KATNBL1: variants seen among roughly 807,000 people sequenced by gnomAD.
KATNBL1 encodes the protein KATNB1-like protein 1.
A neutral mutation model predicts 44.7 loss-of-function variants in KATNBL1; 28 were observed. That is an observed-to-expected ratio of 0.63 (90% CI 0.46 to 0.86). The LOEUF (loss-of-function observed/expected upper bound fraction) is 0.86. Ranked by LOEUF, KATNBL1 falls within the 40% of genes least tolerant of loss-of-function variation. The pLI, the probability that KATNBL1 is intolerant of heterozygous loss-of-function variation, is 0.00. For missense variants in KATNBL1, 272 were observed against 350.7 expected (o/e 0.78, Z 1.79); for synonymous variants, 78 against 114.9 (o/e 0.68, Z 2.06).
chr15:34,143,687 C>T (rs887794177), intron 9 of KATNBL1, among the ~76,000 whole-genome samples: 3 of 151,104 alleles, frequency 2.0e-5, no homozygotes, highest in Non-Finnish European at 2.9e-5. Context: ...CAGTGGCTCA[C>T]GCCTGTAATC....
chr15:34,145,326 AAATT>A (rs537343915), intron 9 of KATNBL1, 68 bp downstream of exon 9: 113 of 1,316,034 alleles, frequency 8.6e-5, no homozygotes, highest in Non-Finnish European at 1.1e-4. Context: ...AGAGACTTGA[AAATT>A]AATTTATAAA....
At chr15:34,198,582 AATTT>A (rs1488131270) in intron 1 of KATNBL1, among the ~76,000 whole-genome samples, 12 of 152,230 alleles carry the variant, frequency 7.9e-5, no homozygotes, top group African/African-American at 2.9e-4. Context: ...CAATGTGTAA[AATTT>A]ATTTCCATAA....
At chr15:34,178,018 A>G (rs1286750284) in intron 1 of KATNBL1, 1 of 152,232 alleles carries the variant, frequency 6.6e-6, no homozygotes, top group Non-Finnish European at 1.5e-5. Flanking sequence ...CAATACATAA[A>G]TAAGAAATAA....
chr15:34,151,436 CTTTTTTTTTTTTTTTT>C (rs58824450), intron 4 of KATNBL1, among the ~76,000 whole-genome samples: 30 of 60,678 alleles, frequency 4.9e-4, no homozygotes, highest in Admixed American at 1.6e-3. Context: ...CCTTTGCCTA[CTTTTTTTTTTTTTTTT>C]TTTTTTTTTT....
At chr15:34,178,283 T>C (rs1889396578) in intron 1 of KATNBL1, among the ~76,000 whole-genome samples, 1 of 152,068 alleles carries the variant, frequency 6.6e-6, no homozygotes, top group Non-Finnish European at 1.5e-5. Flanking sequence ...TAACAACAGG[T>C]GGACAGGTGA....
chr15:34,162,188 T>C (rs2140928026), intron 2 of KATNBL1, among the ~76,000 whole-genome samples: 1 of 152,224 alleles, frequency 6.6e-6, no homozygotes, highest in East Asian at 1.9e-4. Context: ...AAATCTCATC[T>C]TGAATTATAG....
At chr15:34,168,337 AAAG>A (rs759845042) in intron 1 of KATNBL1, among the ~76,000 whole-genome samples, 4 of 152,204 alleles carry the variant, frequency 2.6e-5, no homozygotes, top group Non-Finnish European at 5.9e-5. Flanking sequence ...CAAAAGAGAC[AAAG>A]AAGACCATTA....
intron 1 of KATNBL1, among the ~76,000 whole-genome samples, chr15:34,172,907 G>A (rs1299856284): frequency 2.0e-5 from 3 of 151,992 alleles, no homozygotes; most frequent in Non-Finnish European, 4.4e-5. Flanking sequence ...ACACTAAAAA[G>A]GGTGAATTTT....
rs1888796152 is a variant in KATNBL1 at position 34,161,258 on chromosome 15, TC to T, written c.117+2301del. ...TTACCTGGTATGTGATTATTTTTTT[TC>T]CCCCAAGTTGTTGGTCTGTTTCTTC... On this transcript the variant is annotated intron_variant, in intron 2 of 9. Coordinates refer to ENST00000256544, the MANE Select transcript of KATNBL1 (RefSeq NM_024713.3). Among the ~76,000 whole-genome samples the T allele has an allele frequency of 1.3e-5, 2 of 152,180 alleles. 1 individual carries two copies. The highest frequency in any genetic ancestry group is 2.9e-5 in the Non-Finnish European group (2 of 68,030).
intron 1 of KATNBL1, among the ~76,000 whole-genome samples, chr15:34,181,853 G>GTCCATATATA (rs199882074): frequency 1.3e-5 from 1 of 75,024 alleles, no homozygotes; most frequent in Non-Finnish European, 2.5e-5. Context: ...CATATATATA[G>GTCCATATATA]TCCATATATA....
chr15:34,191,642 G>T (rs114601338), intron 1 of KATNBL1, among the ~76,000 whole-genome samples: 2,885 of 152,024 alleles, frequency 0.019, 86 homozygotes, highest in African/African-American at 0.067. Context: ...TGTTGTTGTT[G>T]AGAGTCTTTT....
At chr15:34,202,560 T>C (rs772153996) in intron 1 of KATNBL1, among the ~76,000 whole-genome samples, 1 of 152,204 alleles carries the variant, frequency 6.6e-6, no homozygotes, top group Non-Finnish European at 1.5e-5. Flanking sequence ...AGAACGTATA[T>C]TAAGGTTTGA....
In KATNBL1 at chr15:34,192,502, T is replaced by C. The variant is rs977107347; in HGVS notation, c.-15+17449A>G. Reference sequence around the variant, plus strand: ...AGCCAATTCATGGGAGACATACATATTTACGGCAATGCTCTGCAATGATAC... The same window carrying C: ...AGCCAATTCATGGGAGACATACATACTTACGGCAATGCTCTGCAATGATAC... On this transcript the variant is annotated intron_variant, in intron 1 of 9. Transcript: ENST00000256544. 2.0e-5 allele frequency among the ~76,000 whole-genome samples: 3 copies of C among 152,168 alleles called. No homozygotes were observed. In the South Asian group the frequency reaches 6.2e-4, roughly 31 times the overall value.
At position 34,193,231 on chromosome 15, in the gene KATNBL1, A is replaced by AC. The variant is rs1463583726; in HGVS notation, c.-15+16719_-15+16720insG. ...GACTCCGTCTCAAAAAAAAAAAAAA[A>AC]AAAACAAAAAAAAAACTTAAGGCCA... On this transcript the variant is annotated intron_variant, in intron 1 of 9. Transcript: ENST00000256544. 7.1e-4 allele frequency among the ~76,000 whole-genome samples: 92 copies of AC among 129,756 alleles called. 1 individual carries two copies. In the East Asian group the frequency reaches 0.013, roughly 19 times the overall value. 85.1% of individuals were successfully genotyped at this position (129,756 alleles called of 152,430 possible).
At chr15:34,184,495 A>G (rs1311171224) in intron 1 of KATNBL1, among the ~76,000 whole-genome samples, 1 of 151,450 alleles carries the variant, frequency 6.6e-6, no homozygotes. Flanking sequence ...CAAAAAAAAA[A>G]AAAAAGGAAC....
chr15:34,209,130 A>G (rs1314193303), intron 1 of KATNBL1: 4 of 152,232 alleles, frequency 2.6e-5, no homozygotes, highest in Non-Finnish European at 5.9e-5. Context: ...AAAAGCCTCA[A>G]TGGATGACGT....
At chr15:34,196,729 A>C (rs1285459832) in intron 1 of KATNBL1, among the ~76,000 whole-genome samples, 2 of 152,136 alleles carry the variant, frequency 1.3e-5, no homozygotes, top group African/African-American at 4.8e-5. Flanking sequence ...CTCCGTCTCA[A>C]AAAGAAAGAA....
At chr15:34,142,513 CT>C in intron 9 of KATNBL1, 142 bp from the exon 10 acceptor site, 1 of 808,668 alleles carries the variant, frequency 1.2e-6, no homozygotes, top group Non-Finnish European at 1.9e-6. Context: ...TTGTTCAGTG[CT>C]TTTATCTGCA....
At chr15:34,155,117 G>A (rs1888600731) in intron 2 of KATNBL1, among the ~76,000 whole-genome samples, 1 of 152,170 alleles carries the variant, frequency 6.6e-6, no homozygotes, top group South Asian at 2.1e-4. Flanking sequence ...CTAGGGCAAG[G>A]AGGTGTAAAG....
Sources: gnomAD v4.1 joint callset for allele counts (sites outside exome capture counted in the v4.1 genomes callset) on GRCh38, gnomAD v4.1.1 for gene constraint, MANE v1.5 for transcripts, NCBI Gene and HGNC (gene_info 2026-07-23, HGNC 2026-07-21) for gene names.